The following CYP4Z1 variants were observed in gnomAD, a reference collection of about 807,000 sequenced individuals.
CYP4Z1 encodes cytochrome P450 family 4 subfamily Z member 1, also known as cytochrome P450 4Z1.
A neutral mutation model predicts 54.2 loss-of-function variants in CYP4Z1; 41 were observed. That is an observed-to-expected ratio of 0.76 (90% CI 0.59 to 0.98). The LOEUF is 0.98. Ranked by LOEUF, CYP4Z1 falls within the 50% of genes least tolerant of loss-of-function variation. The pLI is 0.00. For missense variants in CYP4Z1, 513 were observed against 599.0 expected, an observed-to-expected ratio of 0.86 and a Z score of 1.50; for synonymous variants, 163 against 206.2, an observed-to-expected ratio of 0.79 and a Z score of 1.79.
In CYP4Z1 at chr1:47,082,419, A is replaced by T; in HGVS notation, c.450A>T (p.Lys150Asn). ...VKPGFNISIL[K>N]IFITMMSESV... Reference sequence around the variant, plus strand: ...CTGGCTTCAACATCAGCATTCTGAAAATATTCATCACCATGATGTCTGAGA... The same window carrying T: ...CTGGCTTCAACATCAGCATTCTGAATATATTCATCACCATGATGTCTGAGA... Residue 150 changes from lysine to asparagine, a missense_variant, in exon 4 of 12, where the codon AAA becomes AAT. By Grantham distance (94) the Lys-to-Asn change is moderately conservative. Coordinates refer to ENST00000334194, the MANE Select transcript of CYP4Z1 (RefSeq NM_178134.3). The T allele has an allele frequency of 6.2e-7, 1 of 1,613,804 alleles. No individual in the cohort carries two copies. Among genetic ancestry groups the T allele is most frequent in the South Asian group, 1.1e-5 (1 of 90,992 alleles).
At chr1:47,107,770 G>C (rs1460073345) in intron 9 of CYP4Z1, among the ~76,000 whole-genome samples, 1 of 151,728 alleles carries the variant, frequency 6.6e-6, no homozygotes, top group African/African-American at 2.4e-5. Context: ...CCATACAAAA[G>C]CTACATGTTG....
Position 47,089,347 on chromosome 1 carries a change from A to G in CYP4Z1, c.772+4369A>G, listed in dbSNP as rs142739832. ...ATAATTTTTTTTTAAGTTCCGAGGT[A>G]TATGTGCAGGATGTGCAGGATACGG... On this transcript the variant is annotated intron_variant, in intron 6 of 11. Transcript: ENST00000334194. 6.3e-3 allele frequency among the ~76,000 whole-genome samples: 951 copies of G among 152,094 alleles called. 10 individuals are homozygous for G. Among genetic ancestry groups the G allele is most frequent in the African/African-American group, 0.021 (856 of 41,468 alleles).
At chr1:47,112,740 G>C (rs1374317249) in intron 9 of CYP4Z1, among the ~76,000 whole-genome samples, 2 of 151,656 alleles carry the variant, frequency 1.3e-5, no homozygotes, top group Admixed American at 6.6e-5. Context: ...TCTACAAAAA[G>C]ATAAAATAAA....
upstream of CYP4Z1, among the ~76,000 whole-genome samples, chr1:47,066,067 G>A (rs1557618823): frequency 6.6e-6 from 1 of 151,918 alleles, no homozygotes; most frequent in Admixed American, 6.6e-5. Flanking sequence ...AAAAGTCCAG[G>A]ACCAGATGGA....
the CYP4Z1 span, among the ~76,000 whole-genome samples, chr1:47,055,651 G>T: frequency 6.6e-6 from 1 of 152,006 alleles, no homozygotes; most frequent in Non-Finnish European, 1.5e-5. Flanking sequence ...GTCTTGGGAG[G>T]GTGTATGTGT....
At chr1:47,092,802 T>C (rs1644649943) in intron 6 of CYP4Z1, among the ~76,000 whole-genome samples, 1 of 150,664 alleles carries the variant, frequency 6.6e-6, no homozygotes, top group Non-Finnish European at 1.5e-5. Flanking sequence ...CATCCCTCCA[T>C]GGCAGGTGAA....
chr1:47,114,426 A>G lies in CYP4Z1; in HGVS notation c.1202-1103A>G, dbSNP rs200639500. ...TAAAACACCAAAAGCAATGGCAACA[A>G]AAGCCAAAATTGACAAATGGGATCT... On this transcript the variant is annotated intron_variant, in intron 9 of 11. Coordinates refer to ENST00000334194, the MANE Select transcript of CYP4Z1 (RefSeq NM_178134.3). 3.6e-3 allele frequency among the ~76,000 whole-genome samples: 547 copies of G among 152,316 alleles called. 28 individuals carry two copies. The East Asian group carries it at 0.086, about 24-fold the overall frequency.
intron 9 of CYP4Z1, among the ~76,000 whole-genome samples, chr1:47,114,154 T>C (rs1191631257): frequency 1.3e-5 from 2 of 152,158 alleles, no homozygotes; most frequent in South Asian, 2.1e-4. Flanking sequence ...TATCTACAAC[T>C]ATCTGATCTT....
chr1:47,067,448 T>C lies in CYP4Z1; in HGVS notation c.-43T>C, dbSNP rs1410535481. 5 of 1,524,956 alleles carry C rather than the reference T, an allele frequency of 3.3e-6. No homozygotes were observed. In the African/African-American group the frequency reaches 6.9e-5, roughly 21 times the overall value. The allele number at this position is 1,524,956 out of a possible 1,614,324, so 94.5% of individuals were successfully genotyped here. A position where few individuals can be genotyped will look rare whatever the true frequency, so the allele number is the denominator to read the frequency against. On this transcript the variant is annotated 5_prime_UTR_variant, in exon 1 of 12. Transcript: ENST00000334194. ...ATGAGAGACCTGCATTCTCCCTGGC[T>C]CAGTTCTCTCAGGCTCTCCAGAGCT...
chr1:47,087,311 T>A (rs1005816276), intron 6 of CYP4Z1, among the ~76,000 whole-genome samples: 3 of 152,210 alleles, frequency 2.0e-5, no homozygotes, highest in African/African-American at 7.2e-5. Flanking sequence ...ACGATATTGA[T>A]TCTTCCTACC....
chr1:47,063,479 G>T (rs1644434507), upstream of CYP4Z1, among the ~76,000 whole-genome samples: 1 of 151,868 alleles, frequency 6.6e-6, no homozygotes, highest in African/African-American at 2.4e-5. Flanking sequence ...CCAACTTAAA[G>T]AAATCAAAAA....
chr1:47,056,537 A>G, the CYP4Z1 span, among the ~76,000 whole-genome samples: 2 of 152,092 alleles, frequency 1.3e-5, no homozygotes, highest in African/African-American at 4.8e-5. Flanking sequence ...TTCTCCCATT[A>G]TTATTGTGTG....
At chr1:47,106,718 T>C (rs1383825426) in intron 9 of CYP4Z1, among the ~76,000 whole-genome samples, 1 of 152,164 alleles carries the variant, frequency 6.6e-6, no homozygotes, top group Non-Finnish European at 1.5e-5. Context: ...TGTGGGACTA[T>C]ACCTGGAGCC....
At chr1:47,096,565 A>G (rs761939838) in intron 7 of CYP4Z1, 1 of 151,698 alleles carries the variant, frequency 6.6e-6, no homozygotes, top group Non-Finnish European at 1.5e-5. Context: ...AACATGTGCC[A>G]TAGTGGTTTG....
At chr1:47,102,738 C>T (rs781548703) in intron 8 of CYP4Z1, among the ~76,000 whole-genome samples, 3 of 152,232 alleles carry the variant, frequency 2.0e-5, no homozygotes, top group African/African-American at 7.2e-5. Context: ...ACACTGTTCT[C>T]TTGTTGTTTT....
intron 9 of CYP4Z1, among the ~76,000 whole-genome samples, chr1:47,106,472 A>G (rs528761176): frequency 1.3e-5 from 2 of 152,174 alleles, no homozygotes; most frequent in African/African-American, 4.8e-5. Context: ...GAATCCTGCC[A>G]TATGGACTGA....
chr1:47,082,174 C>G (rs933796447), intron 3 of CYP4Z1, among the ~76,000 whole-genome samples, 160 bp from the exon 4 acceptor site: 2 of 151,946 alleles, frequency 1.3e-5, no homozygotes, highest in Non-Finnish European at 2.9e-5. Context: ...GGACTTAATT[C>G]CCAAAGGATT....
At chr1:47,076,756 A>G (rs1444247678) in intron 2 of CYP4Z1, among the ~76,000 whole-genome samples, 1 of 148,172 alleles carries the variant, frequency 6.7e-6, no homozygotes, top group Admixed American at 6.8e-5. Flanking sequence ...GAGGCAGGAG[A>G]ATGGCGTGAA....
intron 6 of CYP4Z1, among the ~76,000 whole-genome samples, chr1:47,086,176 C>G (rs533609809): frequency 6.6e-6 from 1 of 152,134 alleles, no homozygotes; most frequent in African/African-American, 2.4e-5. Flanking sequence ...GTCTTTATAG[C>G]AGCATGATTT....
Sources: allele counts gnomAD v4.1 joint callset (sites outside exome capture counted in the v4.1 genomes callset), GRCh38; gene constraint gnomAD v4.1.1; transcripts MANE v1.5; gene names NCBI Gene and HGNC (gene_info 2026-07-23, HGNC 2026-07-21).